Variants in FBXO33 observed in about 807,000 individuals in gnomAD.
FBXO33 encodes F-box only protein 33.
In FBXO33, 22 loss-of-function variants were observed where a neutral mutation model predicts 46.3. That is an observed-to-expected ratio of 0.48 (90% CI 0.34 to 0.68). The LOEUF (loss-of-function observed/expected upper bound fraction) is 0.68. Among genes scored for constraint, FBXO33 ranks in the 30% least tolerant of loss-of-function variants. FBXO33 has a pLI of 0.01. For synonymous variants in FBXO33, 337 were observed against 291.3 expected (o/e 1.16, Z -1.60); for missense variants, 692 against 708.8 (o/e 0.98, Z 0.27).
intron 1 of FBXO33, among the ~76,000 whole-genome samples, chr14:39,418,201 C>T (rs1403106670): frequency 5.3e-5 from 8 of 151,334 alleles, no homozygotes; most frequent in Non-Finnish European, 8.8e-5. Context: ...GTAGCTGGGA[C>T]TACAGGTGCC....
chr14:39,407,715 G>C (rs2075405441), intron 1 of FBXO33, among the ~76,000 whole-genome samples: 2 of 152,136 alleles, frequency 1.3e-5, no homozygotes, highest in African/African-American at 4.8e-5. Flanking sequence ...CATTTGGGTT[G>C]TTTCCTTATA....
At chr14:39,402,830 C>T (rs1308623906) in intron 1 of FBXO33, among the ~76,000 whole-genome samples, 1 of 151,884 alleles carries the variant, frequency 6.6e-6, no homozygotes. Flanking sequence ...CTACAGGCGC[C>T]CGCCACCATG....
chr14:39,408,946 T>C (rs73285561), intron 1 of FBXO33, among the ~76,000 whole-genome samples: 5,320 of 152,006 alleles, frequency 0.035, 339 homozygotes, highest in African/African-American at 0.12. Context: ...CAGCTACTTT[T>C]TGTATTTTTT....
At chr14:39,413,861 C>CAATCATGCTG (rs1567075757) in intron 1 of FBXO33, among the ~76,000 whole-genome samples, 2 of 152,216 alleles carry the variant, frequency 1.3e-5, no homozygotes, top group Admixed American at 1.3e-4. Context: ...TACAGATGTG[C>CAATCATGCTG]TATCATCCAC....
chr14:39,429,792 C>T (rs931590860), intron 1 of FBXO33, among the ~76,000 whole-genome samples: 2 of 152,052 alleles, frequency 1.3e-5, no homozygotes, highest in Non-Finnish European at 2.9e-5. Flanking sequence ...GGGCAGGCAT[C>T]GGTGGCCTTA....
intron 1 of FBXO33, 83 bp from the exon 2 acceptor site, chr14:39,402,594 G>A (rs2075373781): frequency 3.5e-6 from 2 of 576,724 alleles, no homozygotes; most frequent in Non-Finnish European, 5.1e-6. Flanking sequence ...ATATGCAAAG[G>A]GGATATTCTA....
intron 1 of FBXO33, among the ~76,000 whole-genome samples, chr14:39,423,322 T>C (rs1007275105): frequency 6.6e-6 from 1 of 152,188 alleles, no homozygotes; most frequent in Non-Finnish European, 1.5e-5. Flanking sequence ...ATATTACCAA[T>C]GAGAGTATCA....
At chr14:39,424,812 T>G (rs1168417991) in intron 1 of FBXO33, among the ~76,000 whole-genome samples, 1 of 152,170 alleles carries the variant, frequency 6.6e-6, no homozygotes, top group Non-Finnish European at 1.5e-5. Context: ...CCCAGCGCTT[T>G]GGGAGGCCAA....
intron 1 of FBXO33, among the ~76,000 whole-genome samples, chr14:39,428,272 C>A (rs978510855): frequency 2.0e-5 from 3 of 152,092 alleles, no homozygotes; most frequent in Non-Finnish European, 2.9e-5. Flanking sequence ...GTAGCACGAT[C>A]TCTATTCACT....
At chr14:39,419,041 T>C (rs545692767) in intron 1 of FBXO33, among the ~76,000 whole-genome samples, 1 of 152,178 alleles carries the variant, frequency 6.6e-6, no homozygotes, top group Non-Finnish European at 1.5e-5. Flanking sequence ...GCCAGAAGAT[T>C]TGTGGGATTA....
At chr14:39,409,190 T>C (rs2075411871) in intron 1 of FBXO33, among the ~76,000 whole-genome samples, 1 of 152,174 alleles carries the variant, frequency 6.6e-6, no homozygotes, top group African/African-American at 2.4e-5. Flanking sequence ...TTTCCCCCTA[T>C]GTTTTCTGTG....
Position 39,401,818 on chromosome 14 carries a change from G to A in FBXO33, c.754C>T (p.Leu252=). Residue 252 remains leucine (L), a synonymous_variant, in exon 3 of 4, where the codon CTG becomes TTG. Transcript: ENST00000298097. ...FEEILSNSRQ[L]KWLSCGFMLE... ...ATAAACCCACAGGACAGCCATTTCA[G>A]TTGCCTACTATTACTCAGGATTTCT... 2 of 1,613,990 alleles carry A rather than the reference G, an allele frequency of 1.2e-6. No individual in the cohort carries two copies. The highest frequency in any genetic ancestry group is 1.1e-5 in the South Asian group (1 of 91,038).
chr14:39,417,526 A>G (rs1051597627), intron 1 of FBXO33, among the ~76,000 whole-genome samples: 1 of 147,098 alleles, frequency 6.8e-6, no homozygotes, highest in African/African-American at 2.6e-5. Context: ...ATTTTAGTAC[A>G]AGTATTGTTA....
intron 1 of FBXO33, among the ~76,000 whole-genome samples, chr14:39,414,437 G>T (rs892436732): frequency 6.6e-6 from 1 of 152,198 alleles, no homozygotes; most frequent in African/African-American, 2.4e-5. Flanking sequence ...TCACTCATGT[G>T]ATAGATGGAG....
chr14:39,432,319 C>T lies in FBXO33; in HGVS notation c.-157G>A, dbSNP rs908177229. Reference sequence around the variant, plus strand: ...TACTCACGTGCGTCCGAGGCCGGCACACTGAGTAACTGCACTGCCCTCGCT... The same window carrying T: ...TACTCACGTGCGTCCGAGGCCGGCATACTGAGTAACTGCACTGCCCTCGCT... On this transcript the variant is annotated 5_prime_UTR_variant, in exon 1 of 4. The change creates a new upstream start codon in the 5' untranslated region. Coordinates refer to ENST00000298097, the MANE Select transcript of FBXO33 (RefSeq NM_203301.4). 10 of 480,714 alleles carry T rather than the reference C, an allele frequency of 2.1e-5. No homozygotes were observed. The highest frequency in any genetic ancestry group is 6.2e-5 in the African/African-American group (3 of 48,634). The allele number at this position is 480,714 out of a possible 1,614,324, so 29.8% of individuals were successfully genotyped here.
Position 39,399,405 on chromosome 14 carries a change from G to T in FBXO33, c.*111C>A. On this transcript the variant is annotated 3_prime_UTR_variant, in exon 4 of 4. Transcript: ENST00000298097. ...GAATATACATATATAATTCTATAAA[G>T]CTAATACTGATTAAACACAGCACAA... The T allele has an allele frequency of 1.1e-6, 1 of 950,658 alleles. No individual in the cohort carries two copies. The highest frequency in any genetic ancestry group is 1.5e-6 in the Non-Finnish European group (1 of 646,646). The allele number at this position is 950,658 out of a possible 1,614,324, so 58.9% of individuals were successfully genotyped here.
intron 1 of FBXO33, among the ~76,000 whole-genome samples, chr14:39,418,540 C>T (rs1396929253): frequency 6.6e-6 from 1 of 150,632 alleles, no homozygotes; most frequent in Non-Finnish European, 1.5e-5. Context: ...CTTTGGGAGG[C>T]TGAGGCAGGT....
intron 1 of FBXO33, among the ~76,000 whole-genome samples, chr14:39,408,680 T>C (rs1311668168): frequency 6.6e-6 from 1 of 151,274 alleles, no homozygotes; most frequent in Non-Finnish European, 1.5e-5. Context: ...GCCTATTTTT[T>C]TTTTTTTTCA....
intron 1 of FBXO33, among the ~76,000 whole-genome samples, chr14:39,423,714 A>G (rs140822073): frequency 9.1e-4 from 138 of 152,366 alleles, no homozygotes; most frequent in African/African-American, 2.9e-3. Flanking sequence ...CCACAGTGTT[A>G]AGTCAGGATA....
Sources: gnomAD v4.1 joint callset for allele counts (sites outside exome capture counted in the v4.1 genomes callset) on GRCh38, gnomAD v4.1.1 for gene constraint, MANE v1.5 for transcripts, NCBI Gene and HGNC (gene_info 2026-07-23, HGNC 2026-07-21) for gene names.